PCLO: variants seen among roughly 807,000 people sequenced by gnomAD.
The protein encoded by PCLO is protein piccolo.
PCLO carries 82 observed loss-of-function variants against 427.5 expected under a neutral mutation model. The ratio of observed to expected loss-of-function variants is 0.19; its 90% CI spans 0.16 to 0.23. The LOEUF (loss-of-function observed/expected upper bound fraction) is 0.23. Ranked by LOEUF, PCLO falls within the 10% of genes least tolerant of loss-of-function variation. The pLI is 1.00. For synonymous variants in PCLO, 2,357 were observed against 2,155.4 expected (o/e 1.09, Z -2.59); for missense variants, 6,239 against 6,115.9 (o/e 1.02, Z -0.67).
chr7:82,909,891 T>A (rs2189970), intron 7 of PCLO, among the ~76,000 whole-genome samples: 91,178 of 151,386 alleles, frequency 0.6, 28,415 homozygotes, highest in East Asian at 0.81. Flanking sequence ...ATTTCACAGA[T>A]TACTTTTTTG....
At chr7:83,059,357 A>AATATACATATATATATAT in intron 3 of PCLO, among the ~76,000 whole-genome samples, 1 of 111,816 alleles carries the variant, frequency 8.9e-6, no homozygotes, top group Non-Finnish European at 1.7e-5. Flanking sequence ...ACACCTTTAA[A>AATATACATATATATATAT]ATATATATAT....
At chr7:82,978,406 C>G (rs1450084366) in intron 3 of PCLO, among the ~76,000 whole-genome samples, 1 of 152,036 alleles carries the variant, frequency 6.6e-6, no homozygotes, top group Non-Finnish European at 1.5e-5. Flanking sequence ...TTCTCCTGTT[C>G]TGTTTGACAT....
intron 3 of PCLO, among the ~76,000 whole-genome samples, chr7:82,984,660 G>C (rs1022130514): frequency 4.0e-5 from 6 of 151,848 alleles, no homozygotes; most frequent in African/African-American, 1.4e-4. Context: ...GTTTTTCACA[G>C]CTTTCTGCTA....
At chr7:83,117,976 G>A (rs1419933613) in intron 3 of PCLO, among the ~76,000 whole-genome samples, 1 of 152,120 alleles carries the variant, frequency 6.6e-6, no homozygotes, top group Non-Finnish European at 1.5e-5. Context: ...ATATATAACA[G>A]TACAAACTAA....
At chr7:82,762,924 G>A (rs1037867323) in intron 22 of PCLO, among the ~76,000 whole-genome samples, 4 of 151,962 alleles carry the variant, frequency 2.6e-5, no homozygotes, top group Non-Finnish European at 5.9e-5. Flanking sequence ...TTACAGACAT[G>A]AGCCATACTG....
chr7:82,891,305 C>A (rs1257453303), intron 9 of PCLO, among the ~76,000 whole-genome samples: 1 of 151,920 alleles, frequency 6.6e-6, no homozygotes, highest in Non-Finnish European at 1.5e-5. Flanking sequence ...AAAACTTTAC[C>A]ACTGAGTAGC....
At chr7:83,067,751 T>C (rs1002505167) in intron 3 of PCLO, among the ~76,000 whole-genome samples, 1 of 152,240 alleles carries the variant, frequency 6.6e-6, no homozygotes, top group African/African-American at 2.4e-5. Flanking sequence ...GTAAGATGCA[T>C]CATCTTTATA....
chr7:83,049,181 TATA>T (rs1266555140), intron 3 of PCLO, among the ~76,000 whole-genome samples: 2 of 152,126 alleles, frequency 1.3e-5, no homozygotes, highest in Non-Finnish European at 2.9e-5. Context: ...GTCTCTAATG[TATA>T]ATATTTTGAT....
At chr7:82,936,113 G>A (rs1208164143) in intron 6 of PCLO, among the ~76,000 whole-genome samples, 1 of 151,578 alleles carries the variant, frequency 6.6e-6, no homozygotes, top group African/African-American at 2.4e-5. Context: ...AAACAGCAGA[G>A]TGCACATTCC....
chr7:82,914,565 T>C (rs1324442961), intron 7 of PCLO, 121 bp downstream of exon 7: 3 of 934,578 alleles, frequency 3.2e-6, no homozygotes, highest in Middle Eastern at 2.1e-4. Context: ...AAAATTGAAG[T>C]AAACATGCAA....
At position 82,764,792 on chromosome 7, in the gene PCLO, A is replaced by G. The variant is rs1455137553; in HGVS notation, c.15008-3299T>C. Among the ~76,000 whole-genome samples the G allele has an allele frequency of 4.0e-5, 6 of 150,402 alleles. No homozygotes were observed. In the East Asian group the frequency reaches 1.2e-3, roughly 30 times the overall value. ...GTACCACTTATGTAAAGTTGAAACT[A>G]CAAAGTAAGATGCAAGAATATAGAG... On this transcript the variant is annotated intron_variant, in intron 22 of 24. Transcript: ENST00000333891.
intron 10 of PCLO, among the ~76,000 whole-genome samples, chr7:82,860,336 T>C (rs562760782): frequency 6.6e-6 from 1 of 152,018 alleles, no homozygotes; most frequent in South Asian, 2.1e-4. Context: ...TAACATACAA[T>C]ACAGCTCCAA....
At chr7:83,096,764 A>AT (rs1790550968) in intron 3 of PCLO, among the ~76,000 whole-genome samples, 3 of 126,066 alleles carry the variant, frequency 2.4e-5, no homozygotes, top group African/African-American at 9.0e-5. Flanking sequence ...ATATAAATAT[A>AT]TTATATATTA....
intron 6 of PCLO, among the ~76,000 whole-genome samples, chr7:82,947,958 T>A (rs951770061): frequency 1.3e-5 from 2 of 152,150 alleles, no homozygotes; most frequent in African/African-American, 4.8e-5. Flanking sequence ...AAATAGTCAA[T>A]ATTCCACCTG....
intron 3 of PCLO, among the ~76,000 whole-genome samples, chr7:83,057,342 A>ATTTTTTTTT (rs1562942473): frequency 4.2e-5 from 1 of 23,652 alleles, no homozygotes; most frequent in Non-Finnish European, 7.5e-5. Context: ...ATATATATAT[A>ATTTTTTTTT]TATATATTTT....
At chr7:82,772,422 A>T (rs1358097349) in intron 22 of PCLO, among the ~76,000 whole-genome samples, 1 of 151,998 alleles carries the variant, frequency 6.6e-6, no homozygotes, top group Non-Finnish European at 1.5e-5. Flanking sequence ...GCACATTCTC[A>T]TGTTTTAGGG....
At chr7:82,827,776 T>C (rs1791982765) in intron 17 of PCLO, 97 bp downstream of exon 17, 1 of 637,466 alleles carries the variant, frequency 1.6e-6, no homozygotes, top group Non-Finnish European at 2.6e-6. Flanking sequence ...TTTTGTTTGA[T>C]TGGCAAAATG....
chr7:82,762,519 C>CA (rs969179975), intron 22 of PCLO, among the ~76,000 whole-genome samples: 2 of 151,188 alleles, frequency 1.3e-5, no homozygotes, highest in African/African-American at 4.8e-5. Context: ...TCTTTACACT[C>CA]AAAAAAAATT....
intron 1 of PCLO, among the ~76,000 whole-genome samples, chr7:83,156,837 TAAGA>T (rs1381872027): frequency 6.6e-6 from 1 of 152,094 alleles, no homozygotes; most frequent in Non-Finnish European, 1.5e-5. Flanking sequence ...TCTTTTGATA[TAAGA>T]AAGTCTTCCA....
Sources: allele counts gnomAD v4.1 joint callset (sites outside exome capture counted in the v4.1 genomes callset), GRCh38; gene constraint gnomAD v4.1.1; transcripts MANE v1.5; gene names NCBI Gene and HGNC (gene_info 2026-07-23, HGNC 2026-07-21).